DNMBP: variants seen among roughly 807,000 people sequenced by gnomAD.
DNMBP encodes dynamin-binding protein.
A neutral mutation model predicts 150.0 loss-of-function variants in DNMBP; 87 were observed. That is an observed-to-expected ratio of 0.58 (90% CI 0.49 to 0.69). The LOEUF is 0.69. DNMBP is among the 30% of genes least tolerant of loss of function. The probability of loss-of-function intolerance (pLI) is 0.00; values close to 1 mark genes in which losing one functional copy is unlikely to be tolerated. For missense variants in DNMBP, 1,774 were observed against 1,949.0 expected, an observed-to-expected ratio of 0.91 and a Z score of 1.69; for synonymous variants, 711 against 750.4, an observed-to-expected ratio of 0.95 and a Z score of 0.86.
rs937338363 is a variant in DNMBP at position 99,929,733 on chromosome 10, C to T, written c.2261-20587G>A. 4.3e-6 allele frequency: 3 copies of T among 702,820 alleles called. No individual in the cohort carries two copies. The Admixed American group carries it at 6.0e-5, about 14-fold the overall frequency. 43.5% of individuals were successfully genotyped at this position (702,820 alleles called of 1,614,324 possible). A position where few individuals can be genotyped will look rare whatever the true frequency, so the allele number is the denominator to read the frequency against. On this transcript the variant is annotated intron_variant, in intron 4 of 16. Coordinates refer to ENST00000324109, the MANE Select transcript of DNMBP (RefSeq NM_015221.4). ...TAATTTTTTCTCTTCCTCTAAATGC[C>T]AGATGTTCTTCTCTAATGACGAGCT...
At chr10:99,877,367 T>C (rs749696478) in intron 16 of DNMBP, 31 bp from the exon 17 acceptor site, 4 of 1,568,758 alleles carry the variant, frequency 2.5e-6, no homozygotes, top group Non-Finnish European at 3.5e-6. Flanking sequence ...AAATGGGAAA[T>C]TGCTGGGAGC....
Position 99,876,336 on chromosome 10 carries a change from G to C in DNMBP, c.*815C>G, listed in dbSNP as rs989570263. ...CTGTAATCTCAGCAGGGAGGCGGGA[G>C]GGTTGCTTGAGCCCAGGCGTTTAAG... On this transcript the variant is annotated 3_prime_UTR_variant, in exon 17 of 17. Coordinates refer to ENST00000324109, the MANE Select transcript of DNMBP (RefSeq NM_015221.4). The C allele has an allele frequency of 6.6e-6, 1 of 152,106 alleles. No individual in the cohort carries two copies. The highest frequency in any genetic ancestry group is 2.4e-5 in the African/African-American group (1 of 41,478). The allele number at this position is 152,106 out of a possible 1,614,324, so 9.4% of individuals were successfully genotyped here. A position where few individuals can be genotyped will look rare whatever the true frequency, so the allele number is the denominator to read the frequency against.
chr10:99,945,714 T>C (rs1244323477), intron 4 of DNMBP, among the ~76,000 whole-genome samples: 1 of 152,232 alleles, frequency 6.6e-6, no homozygotes, highest in Non-Finnish European at 1.5e-5. Flanking sequence ...CACTGCTTAA[T>C]ATTTGCTATA....
intron 1 of DNMBP, among the ~76,000 whole-genome samples, chr10:99,990,656 T>TATATATACACACATATAC (rs1273577386): frequency 6.7e-6 from 1 of 149,436 alleles, no homozygotes; most frequent in East Asian, 2.0e-4. Context: ...TATAAGTGTA[T>TATATATACACACATATAC]ATATATACAC....
chr10:99,899,809 G>A (rs1460136548), intron 7 of DNMBP, 110 bp downstream of exon 7: 12 of 1,191,796 alleles, frequency 1.0e-5, no homozygotes, highest in African/African-American at 9.1e-5. Context: ...TATATATCAT[G>A]GATATCTTAT....
chr10:99,908,169 C>T, intron 5 of DNMBP, 75 bp from the exon 6 acceptor site: 2 of 1,078,182 alleles, frequency 1.9e-6, no homozygotes, highest in Non-Finnish European at 2.8e-6. Flanking sequence ...AGGAACAGCT[C>T]TTCAAGAATT....
chr10:99,896,338 T>G lies in DNMBP; in HGVS notation c.2980A>C (p.Ile994Leu), dbSNP rs771759598. Residue 994 changes from isoleucine (I) to leucine (L), a missense_variant, in exon 10 of 17, where the codon ATC becomes CTC. By Grantham distance (5) the Ile-to-Leu change is conservative (BLOSUM62 2). Coordinates refer to ENST00000324109, the MANE Select transcript of DNMBP (RefSeq NM_015221.4). ...SLMEKISKLN[I>L]HSIIKKSNRV... is the part of the protein sequence containing the mutation. The stretch of plus-strand genomic sequence containing the variant: ...TTGGATTTCTTGATGATGGAGTGGA[T>G]GTTCAGTTTGGAAATTTTCTCCATA... 9 of 1,614,116 alleles carry G rather than the reference T, an allele frequency of 5.6e-6. No homozygotes were observed. In the South Asian group the frequency reaches 9.9e-5, roughly 18 times the overall value.
At chr10:99,895,209 CT>C (rs1325789635) in intron 10 of DNMBP, among the ~76,000 whole-genome samples, 159 bp from the exon 11 acceptor site, 1 of 151,056 alleles carries the variant, frequency 6.6e-6, no homozygotes, top group East Asian at 1.9e-4. Context: ...TCACTGCAAC[CT>C]CCGCCTCCTG....
intron 1 of DNMBP, among the ~76,000 whole-genome samples, chr10:99,994,224 C>T (rs1040038168): frequency 6.6e-6 from 1 of 152,170 alleles, no homozygotes; most frequent in South Asian, 2.1e-4. Context: ...TACTTAAACC[C>T]CTCTGAACTT....
intron 1 of DNMBP, among the ~76,000 whole-genome samples, chr10:99,982,596 T>G (rs1028762772): frequency 6.6e-6 from 1 of 152,064 alleles, no homozygotes; most frequent in African/African-American, 2.4e-5. Flanking sequence ...AAAAAAAATT[T>G]AGAAAAATAT....
chr10:99,980,290 C>T (rs1256547238), intron 1 of DNMBP, among the ~76,000 whole-genome samples: 2 of 151,620 alleles, frequency 1.3e-5, no homozygotes, highest in African/African-American at 2.4e-5. Flanking sequence ...ACTAAAAATA[C>T]AAAAAAATTA....
At chr10:99,930,302 T>C (rs1168345118) in intron 4 of DNMBP, 3 of 702,878 alleles carry the variant, frequency 4.3e-6, no homozygotes, top group Admixed American at 2.0e-5. Flanking sequence ...ACTGTTCAGC[T>C]TTTTTAGAGT....
intron 1 of DNMBP, among the ~76,000 whole-genome samples, chr10:99,986,613 A>AAAC (rs1343667676): frequency 1.1e-4 from 13 of 116,676 alleles, no homozygotes; most frequent in African/African-American, 4.1e-4. Context: ...AAAAAAAAAA[A>AAAC]AAAAAAAAAA....
At chr10:99,998,059 C>T (rs778059970) in intron 1 of DNMBP, among the ~76,000 whole-genome samples, 4 of 149,374 alleles carry the variant, frequency 2.7e-5, no homozygotes, top group Non-Finnish European at 5.9e-5. Context: ...CACAGTGAAA[C>T]CCCATCTCTA....
At chr10:99,885,947 G>C in intron 13 of DNMBP, 81 bp from the exon 14 acceptor site, 3 of 1,313,032 alleles carry the variant, frequency 2.3e-6, no homozygotes, top group Non-Finnish European at 3.1e-6. Context: ...AAAACATGAT[G>C]AAAGATCCCG....
Position 99,885,780 on chromosome 10 carries a change from A to G in DNMBP, c.3705T>C (p.Phe1235=). 1.2e-6 allele frequency: 2 copies of G among 1,611,598 alleles called. No homozygotes were observed. Among genetic ancestry groups the G allele is most frequent in the Non-Finnish European group, 1.7e-6 (2 of 1,178,966 alleles). The part of the protein sequence containing the change: ...HSRVLQQLQV[F]TFFPESLPAT... ...CTGGAAGAGACTCCGGGAAGAAGGT[A>G]AAAACCTGGAGTTGCTGCAGAACTC... The change falls in exon 14 of 17, where the codon TTT becomes TTC. Residue 1235 remains phenylalanine, a synonymous_variant. Transcript: ENST00000324109.
rs1251958285 is a variant in DNMBP at position 99,898,144 on chromosome 10, G to C, written c.2862C>G (p.Val954=). 6.2e-7 allele frequency: 1 copy of C among 1,614,062 alleles called. No individual in the cohort carries two copies. Among genetic ancestry groups the C allele is most frequent in the South Asian group, 1.1e-5 (1 of 91,068 alleles). The stretch of plus-strand genomic sequence containing the variant: ...TAACGTTGATTTCCTTGACCGCAAG[G>C]ACTGCATTGGTTAAAGGCACTTTAT... ...HPDKVPLTNA[V]LAVKEINVNI... is the part of the protein sequence containing the mutation. The change falls in exon 9 of 17, where the codon GTC becomes GTG. Residue 954 remains valine (V), a synonymous_variant. Coordinates refer to ENST00000324109, the MANE Select transcript of DNMBP (RefSeq NM_015221.4).
At chr10:100,006,927 G>A (rs912085905) in intron 1 of DNMBP, among the ~76,000 whole-genome samples, 6 of 152,004 alleles carry the variant, frequency 3.9e-5, no homozygotes, top group African/African-American at 1.5e-4. Context: ...CAGCCTGAGC[G>A]ACATAGTGAA....
In DNMBP at chr10:99,956,229, T is replaced by C; in HGVS notation, c.1245A>G (p.Gln415=). The change falls in exon 4 of 17, where the codon CAA becomes CAG. Residue 415 remains glutamine (Q), a synonymous_variant. Transcript: ENST00000324109. ...PTEVVNGISS[Q]PQVPFHPNLQ... is the part of the protein sequence containing the mutation. ...AGTTGGGATGAAAAGGGACCTGAGG[T>C]TGGGAGGAAATACCATTGACTACTT... 1 of 1,613,808 alleles carries C rather than the reference T, an allele frequency of 6.2e-7. No homozygotes were observed. Among genetic ancestry groups the C allele is most frequent in the Non-Finnish European group, 8.5e-7 (1 of 1,179,962 alleles).
Sources: allele counts gnomAD v4.1 joint callset (sites outside exome capture counted in the v4.1 genomes callset), GRCh38; gene constraint gnomAD v4.1.1; transcripts MANE v1.5; gene names NCBI Gene and HGNC (gene_info 2026-07-23, HGNC 2026-07-21).